SLC8A1: variants seen among roughly 807,000 people sequenced by gnomAD.
The protein encoded by SLC8A1 is solute carrier family 8 member A1, also known as sodium/calcium exchanger 1.
SLC8A1 carries 18 observed loss-of-function variants against 68.3 expected under a neutral mutation model. The ratio of observed to expected loss-of-function variants is 0.26; its 90% CI spans 0.18 to 0.39. The LOEUF is 0.39. Ranked by LOEUF, SLC8A1 falls within the 10% of genes least tolerant of loss-of-function variation. SLC8A1 has a pLI of 1.00. For missense variants in SLC8A1, 985 were observed against 1,156.7 expected (o/e 0.85, Z 2.15); for synonymous variants, 475 against 415.5 (o/e 1.14, Z -1.74).
chr2:40,227,444 T>C (rs2059125688), intron 2 of SLC8A1, among the ~76,000 whole-genome samples: 1 of 152,002 alleles, frequency 6.6e-6, no homozygotes, highest in Non-Finnish European at 1.5e-5. Flanking sequence ...GAGGCCATTA[T>C]CCTTAGCAAA....
At chr2:40,378,722 C>A (rs1680750500) in intron 2 of SLC8A1, among the ~76,000 whole-genome samples, 1 of 152,066 alleles carries the variant, frequency 6.6e-6, no homozygotes, top group African/African-American at 2.4e-5. Context: ...AGGTCAGAAG[C>A]CAGAAAGAAT....
chr2:40,312,058 T>G (rs957213174), intron 2 of SLC8A1, among the ~76,000 whole-genome samples: 1 of 152,092 alleles, frequency 6.6e-6, no homozygotes. Context: ...ATCTTCTCCC[T>G]AGGCTAGACA....
chr2:40,211,798 A>ATGGG (rs1558772722), intron 2 of SLC8A1, among the ~76,000 whole-genome samples: 1 of 152,102 alleles, frequency 6.6e-6, no homozygotes, highest in Non-Finnish European at 1.5e-5. Context: ...GTCCTCTTTT[A>ATGGG]TTTCATGGGA....
At chr2:40,381,487 C>A (rs1362627155) in intron 2 of SLC8A1, among the ~76,000 whole-genome samples, 1 of 151,928 alleles carries the variant, frequency 6.6e-6, no homozygotes, top group Non-Finnish European at 1.5e-5. Context: ...GAACAGGTTT[C>A]TTTCTCTTCA....
At chr2:40,341,567 CA>C (rs1667705986) in intron 2 of SLC8A1, among the ~76,000 whole-genome samples, 1 of 152,016 alleles carries the variant, frequency 6.6e-6, no homozygotes, top group East Asian at 1.9e-4. Context: ...TTTTTGTTAG[CA>C]AAAAAGTTTT....
chr2:40,376,563 T>C (rs971353040), intron 2 of SLC8A1, among the ~76,000 whole-genome samples: 1 of 148,704 alleles, frequency 6.7e-6, no homozygotes, highest in Admixed American at 6.8e-5. Flanking sequence ...AGTTCAAAAG[T>C]GGCGAAAGGA....
At chr2:40,240,729 G>A (rs2061105460) in intron 2 of SLC8A1, among the ~76,000 whole-genome samples, 2 of 152,176 alleles carry the variant, frequency 1.3e-5, no homozygotes, top group African/African-American at 4.8e-5. Context: ...GTTTAAAAGT[G>A]AAGTCGGGCA....
intron 1 of SLC8A1, among the ~76,000 whole-genome samples, chr2:40,448,015 T>C (rs1701761557): frequency 6.6e-6 from 1 of 152,194 alleles, no homozygotes; most frequent in South Asian, 2.1e-4. Flanking sequence ...ATCACAAATG[T>C]AAATTTAAAA....
chr2:40,253,108 TACGTGTATACATATATAC>T (rs1433586080), intron 2 of SLC8A1, among the ~76,000 whole-genome samples: 7 of 109,856 alleles, frequency 6.4e-5, no homozygotes, highest in Non-Finnish European at 1.3e-4. Context: ...TATACATATA[TACGTGTATACATATATAC>T]ACGTATATAT....
intron 2 of SLC8A1, among the ~76,000 whole-genome samples, chr2:40,317,747 T>G (rs1372730589): frequency 6.6e-6 from 1 of 152,086 alleles, no homozygotes; most frequent in East Asian, 1.9e-4. Flanking sequence ...TGCCCTTACT[T>G]AAAAAATTTA....
intron 2 of SLC8A1, among the ~76,000 whole-genome samples, chr2:40,408,998 T>C (rs779819975): frequency 3.9e-5 from 6 of 152,192 alleles, no homozygotes; most frequent in African/African-American, 9.6e-5. Context: ...GTTGTAACTA[T>C]ACAGCGTTTT....
chr2:40,131,659 A>G (rs1283308162), intron 7 of SLC8A1, among the ~76,000 whole-genome samples: 1 of 152,148 alleles, frequency 6.6e-6, no homozygotes, highest in African/African-American at 2.4e-5. Flanking sequence ...GTAATTTCCA[A>G]AGCTGCCAGT....
At chr2:40,460,586 T>C (rs1404206179) in intron 1 of SLC8A1, among the ~76,000 whole-genome samples, 1 of 151,824 alleles carries the variant, frequency 6.6e-6, no homozygotes, top group East Asian at 1.9e-4. Flanking sequence ...TTTTAATTTT[T>C]TTTTTTTTTT....
At chr2:40,304,611 C>T (rs559166586) in intron 2 of SLC8A1, among the ~76,000 whole-genome samples, 2 of 152,230 alleles carry the variant, frequency 1.3e-5, no homozygotes, top group South Asian at 4.1e-4. Flanking sequence ...CTTTTCAGCG[C>T]GGTTTGGCAT....
chr2:40,265,481 G>C (rs2065248627), intron 2 of SLC8A1, among the ~76,000 whole-genome samples: 1 of 152,160 alleles, frequency 6.6e-6, no homozygotes, highest in African/African-American at 2.4e-5. Flanking sequence ...AAAGGTCAAT[G>C]GAAAGGTAGC....
intron 4 of SLC8A1, 131 bp downstream of exon 7, chr2:40,170,150 G>T (rs1573502548): frequency 1.3e-6 from 1 of 789,112 alleles, no homozygotes; most frequent in Admixed American, 2.3e-5. Context: ...ACCACTGGCT[G>T]CCAGAGAAGC....
At chr2:40,114,581 A>T (rs1442267028) in exon 8 of SLC8A1, 1 of 152,754 alleles carries the variant, frequency 6.5e-6, no homozygotes, top group Non-Finnish European at 1.5e-5. Context: ...CAGGTATCAC[A>T]TGTTTAAATA....
intron 1 of SLC8A1, among the ~76,000 whole-genome samples, chr2:40,434,309 T>C (rs563333245): frequency 3.9e-5 from 6 of 152,350 alleles, no homozygotes; most frequent in Admixed American, 2.6e-4. Context: ...TTATTGGCAA[T>C]GAAGCAATTG....
intron 2 of SLC8A1, among the ~76,000 whole-genome samples, chr2:40,339,402 A>G (rs1012494906): frequency 1.3e-5 from 2 of 152,164 alleles, no homozygotes; most frequent in Non-Finnish European, 2.9e-5. Context: ...AGCAGTGGCA[A>G]TCCAGTTACA....
Sources: allele counts gnomAD v4.1 joint callset (sites outside exome capture counted in the v4.1 genomes callset), GRCh38; gene constraint gnomAD v4.1.1; transcripts MANE v1.5; gene names NCBI Gene and HGNC (gene_info 2026-07-23, HGNC 2026-07-21).